The following RAD51B variants were observed in gnomAD, a reference collection of about 807,000 sequenced individuals.
RAD51B encodes the protein RAD51 paralog B, also known as DNA repair protein RAD51 homolog 2.
Under a neutral mutation model 42.2 loss-of-function variants are expected in RAD51B, and 38 were observed. That is an observed-to-expected ratio of 0.90 (90% CI 0.70 to 1.18). RAD51B has a LOEUF of 1.18. Ranked by LOEUF, RAD51B falls within the 50% of genes most tolerant of loss-of-function variation. RAD51B has a pLI of 0.00. For synonymous variants in RAD51B, 154 were observed against 145.2 expected (o/e 1.06, Z -0.43); for missense variants, 373 against 400.7 (o/e 0.93, Z 0.59).
chr14:68,329,543 T>G (rs746382048), intron 8 of RAD51B, among the ~76,000 whole-genome samples: 1 of 152,208 alleles, frequency 6.6e-6, no homozygotes, highest in Non-Finnish European at 1.5e-5. Context: ...TTCTGGAAAC[T>G]TGGGACCAAT....
intron 7 of RAD51B, among the ~76,000 whole-genome samples, chr14:68,240,972 G>C (rs1284278223): frequency 6.6e-6 from 1 of 152,156 alleles, no homozygotes; most frequent in Admixed American, 6.5e-5. Flanking sequence ...AGCAATTCTA[G>C]TGAGCTTACC....
intron 10 of RAD51B, among the ~76,000 whole-genome samples, chr14:68,532,966 A>G (rs575356573): frequency 5.9e-5 from 9 of 152,308 alleles, no homozygotes; most frequent in Middle Eastern, 3.4e-3. Flanking sequence ...CAATACCTTT[A>G]TAGACAACAC....
At chr14:68,390,924 A>G (rs1028158532) in intron 8 of RAD51B, among the ~76,000 whole-genome samples, 6 of 152,238 alleles carry the variant, frequency 3.9e-5, no homozygotes, top group Non-Finnish European at 5.9e-5. Context: ...CTAAAGACGT[A>G]CTTGTCTCCA....
At chr14:68,018,884 T>A (rs1353896801) in intron 7 of RAD51B, among the ~76,000 whole-genome samples, 2 of 152,152 alleles carry the variant, frequency 1.3e-5, no homozygotes, top group Non-Finnish European at 2.9e-5. Context: ...ATTCTTCCAT[T>A]TACCAGCTGT....
At chr14:68,468,331 T>G in intron 10 of RAD51B, 81 bp downstream of exon 10, 1 of 1,379,628 alleles carries the variant, frequency 7.2e-7, no homozygotes, top group African/African-American at 1.4e-5. Flanking sequence ...GCTATGGTTC[T>G]GATAGAAGCT....
At position 68,215,252 on chromosome 14, in the gene RAD51B, A is replaced by G. The variant is rs374877800; in HGVS notation, c.757-76632A>G. On this transcript the variant is annotated intron_variant, in intron 7 of 10. Coordinates refer to ENST00000471583, the MANE Select transcript of RAD51B (RefSeq NM_133510.4). ...AATGGCGTCTACTCTCCCTTATCAT[A>G]TAACTATCTTAATATTTGAAGGTTG... 7.2e-5 allele frequency among the ~76,000 whole-genome samples: 11 copies of G among 152,198 alleles called. No individual in the cohort carries two copies. The East Asian group carries it at 1.2e-3, about 16-fold the overall frequency.
chr14:68,656,212 T>C (rs1401165403), intron 11 of RAD51B, among the ~76,000 whole-genome samples: 2 of 152,186 alleles, frequency 1.3e-5, no homozygotes, highest in Non-Finnish European at 2.9e-5. Context: ...CCTGCTCACC[T>C]GGCAGCAGGC....
chr14:68,436,158 A>G (rs2085143006), intron 9 of RAD51B, among the ~76,000 whole-genome samples: 1 of 152,210 alleles, frequency 6.6e-6, no homozygotes, highest in African/African-American at 2.4e-5. Context: ...TTGAGGGCCT[A>G]CATTTAAGCA....
At chr14:68,032,961 A>G (rs1486696779) in intron 7 of RAD51B, among the ~76,000 whole-genome samples, 1 of 152,154 alleles carries the variant, frequency 6.6e-6, no homozygotes, top group East Asian at 1.9e-4. Flanking sequence ...CTTGGGGATC[A>G]TTGCTACTTG....
At chr14:67,856,325 C>T (rs75412327) in intron 4 of RAD51B, among the ~76,000 whole-genome samples, 297 of 151,458 alleles carry the variant, frequency 2.0e-3, no homozygotes, top group Non-Finnish European at 3.4e-3. Flanking sequence ...TTTCACAAGG[C>T]AAAATGCAAT....
intron 7 of RAD51B, among the ~76,000 whole-genome samples, chr14:67,894,836 A>G (rs2043356309): frequency 6.6e-6 from 1 of 152,052 alleles, no homozygotes; most frequent in Non-Finnish European, 1.5e-5. Flanking sequence ...CAGGAGTGCA[A>G]TGGCGTGGTC....
At chr14:68,425,788 C>T (rs1396091239) in intron 9 of RAD51B, among the ~76,000 whole-genome samples, 5 of 152,042 alleles carry the variant, frequency 3.3e-5, no homozygotes, top group Non-Finnish European at 7.4e-5. Context: ...TCTGGAGTAG[C>T]AGGCTAACAA....
chr14:67,927,703 ATGTGTGTGTGTG>A (rs35189653), intron 7 of RAD51B, among the ~76,000 whole-genome samples: 1 of 137,346 alleles, frequency 7.3e-6, no homozygotes. Flanking sequence ...ATTTCATTGT[ATGTGTGTGTGTG>A]TGTGTGTGTG....
chr14:68,599,551 G>C (rs1891136822), downstream of RAD51B, among the ~76,000 whole-genome samples: 1 of 152,154 alleles, frequency 6.6e-6, no homozygotes, highest in African/African-American at 2.4e-5. Flanking sequence ...GAAAGTCAGA[G>C]GAAGACAAGA....
chr14:68,295,854 A>G (rs1395431203), intron 8 of RAD51B, among the ~76,000 whole-genome samples: 3 of 152,126 alleles, frequency 2.0e-5, no homozygotes, highest in Admixed American at 6.5e-5. Context: ...GCTGAAATCT[A>G]TTACAGGACA....
At chr14:68,181,876 A>G (rs548961678) in intron 7 of RAD51B, among the ~76,000 whole-genome samples, 2 of 152,344 alleles carry the variant, frequency 1.3e-5, no homozygotes, top group South Asian at 4.1e-4. Flanking sequence ...TCTGAGTAAA[A>G]GTCAGGCATC....
At chr14:68,673,474 T>C (rs998725413) in intron 11 of RAD51B, among the ~76,000 whole-genome samples, 2 of 151,730 alleles carry the variant, frequency 1.3e-5, no homozygotes, top group Non-Finnish European at 2.9e-5. Context: ...CATATATACA[T>C]GTACACACAT....
intron 7 of RAD51B, among the ~76,000 whole-genome samples, chr14:68,115,982 TAAA>T (rs200696321): frequency 0.013 from 1,931 of 151,368 alleles, 43 homozygotes; most frequent in African/African-American, 0.045. Context: ...GATAAAATGT[TAAA>T]AAATCAAGCA....
intron 7 of RAD51B, among the ~76,000 whole-genome samples, chr14:68,064,841 C>T (rs575779167): frequency 3.6e-4 from 55 of 152,224 alleles, no homozygotes; most frequent in Admixed American, 2.4e-3. Flanking sequence ...TTATGTCTAT[C>T]CCTGCATTGA....
Sources: gnomAD v4.1 joint callset for allele counts (sites outside exome capture counted in the v4.1 genomes callset) on GRCh38, gnomAD v4.1.1 for gene constraint, MANE v1.5 for transcripts, NCBI Gene and HGNC (gene_info 2026-07-23, HGNC 2026-07-21) for gene names.